The following TTN variants were observed in gnomAD, a reference collection of about 807,000 sequenced individuals.
TTN encodes the protein connectin.
In TTN, 1,525 loss-of-function variants were observed where a neutral mutation model predicts 3,223.0. The ratio of observed to expected loss-of-function variants is 0.47; its 90% CI spans 0.45 to 0.49. The LOEUF (loss-of-function observed/expected upper bound fraction) is 0.49, where lower values mean the gene tolerates loss of function less well. Ranked by LOEUF, TTN falls within the 20% of genes least tolerant of loss-of-function variation. TTN has a pLI of 0.00. For missense variants in TTN, 40,786 were observed against 43,424.0 expected, an observed-to-expected ratio of 0.94 and a Z score of 5.40; for synonymous variants, 14,094 against 15,161.0, an observed-to-expected ratio of 0.93 and a Z score of 5.17.
In TTN at chr2:178,552,044, C is replaced by A; in HGVS notation, c.90856G>T (p.Val30286Phe). Residue 30286 changes from valine to phenylalanine, a missense_variant, in exon 335 of 363, where the codon GTT becomes TTT. By Grantham distance (50) the Val-to-Phe change is conservative (BLOSUM62 -1). Transcript: ENST00000589042. Reference sequence around the variant, plus strand: ...TCAGCATCTTTGACTAGATTAGGAACTTTGAAAGTCGTTCTGGCAACACTT... The same window carrying A: ...TCAGCATCTTTGACTAGATTAGGAAATTTGAAAGTCGTTCTGGCAACACTT... ...CSSVARTTFK[V>F]PNLVKDAEYQ... 6.2e-7 allele frequency: 1 copy of A among 1,613,676 alleles called. No individual in the cohort carries two copies. The highest frequency in any genetic ancestry group is 8.5e-7 in the Non-Finnish European group (1 of 1,179,732).
intron 47 of TTN, chr2:178,745,555 A>G: frequency 1.9e-6 from 3 of 1,610,842 alleles, no homozygotes; most frequent in South Asian, 1.1e-5. Context: ...ATCAATGCTA[A>G]TAATTACTGA....
At chr2:178,635,400 C>T (rs371598186) in intron 227 of TTN, 40 bp downstream of exon 227, 107 of 1,603,910 alleles carry the variant, frequency 6.7e-5, no homozygotes, top group African/African-American at 2.6e-4. Context: ...TTTACACATA[C>T]GCAAAACTTA....
At chr2:178,698,004 TG>T (rs1335687640) in intron 112 of TTN, among the ~76,000 whole-genome samples, 2 of 152,166 alleles carry the variant, frequency 1.3e-5, no homozygotes, top group African/African-American at 4.8e-5. Flanking sequence ...TGTCCATCAA[TG>T]GATGAATACA....
chr2:178,678,894 G>C, intron 142 of TTN, 64 bp from the exon 143 acceptor site: 1 of 1,299,264 alleles, frequency 7.7e-7, no homozygotes, highest in Non-Finnish European at 1.1e-6. Context: ...TTTAAGGCTG[G>C]CAATGTAAGG....
rs201567815 is a variant in TTN at position 178,577,634 on chromosome 2, C to T, written c.68792G>A (p.Ser22931Asn). 3.7e-4 allele frequency: 590 copies of T among 1,611,744 alleles called. 1 individual carries two copies. The highest frequency in any genetic ancestry group is 1.7e-3 in the East Asian group (75 of 44,688). Reference protein sequence around the residue: ...TAGAISAPSESTETIICKDEY... With the variant: ...TAGAISAPSENTETIICKDEY... ...ATCCTTGCAAATAATGGTTTCTGTA[C>T]TTTCTGATGGAGCACTGATAGCACC... is the stretch of plus-strand genomic sequence containing the variant. The change falls in exon 323 of 363, where the codon AGT (serine) becomes AAT (asparagine). Residue 22931 changes from serine to asparagine, a missense_variant. Ser to Asn is a conservative substitution (Grantham distance 46). Coordinates refer to ENST00000589042, the MANE Select transcript of TTN (RefSeq NM_001267550.2).
At position 178,607,100 on chromosome 2, in the gene TTN, C is replaced by T. The variant is rs1379910551; in HGVS notation, c.53502G>A (p.Lys17834=). 1 of 1,612,510 alleles carries T rather than the reference C, an allele frequency of 6.2e-7. No individual in the cohort carries two copies. The highest frequency in any genetic ancestry group is 2.2e-5 in the East Asian group (1 of 44,730). ...ITGLLEGQEY[K]FRVIAKNKFG... ...ACTTGTTCTTGGCAATAACACGGAACTTATATTCTTGTCCCTCAAGCAGAC... is the reference window on the plus strand; with the variant it reads ...ACTTGTTCTTGGCAATAACACGGAATTTATATTCTTGTCCCTCAAGCAGAC... Residue 17834 remains lysine, a synonymous_variant, in exon 278 of 363, where the codon AAG becomes AAA. Transcript: ENST00000589042.
In TTN at chr2:178,634,333, A is replaced by G; in HGVS notation, c.42415+33T>C. ...TAAAGTCATATATTTGCATGCCTTT[A>G]TGGGATGTCACAGATCTCATTAGCT... On this transcript the variant is annotated intron_variant, in intron 230 of 362. Coordinates refer to ENST00000589042, the MANE Select transcript of TTN (RefSeq NM_001267550.2). This position sits in a 1 kb window ranked among gnomAD's most constrained non-coding sequence, Gnocchi z 4.6. 1 of 1,581,650 alleles carries G rather than the reference A, an allele frequency of 6.3e-7. No individual in the cohort carries two copies. Among genetic ancestry groups the G allele is most frequent in the Non-Finnish European group, 8.5e-7 (1 of 1,172,182 alleles).
chr2:178,560,880 T>C lies in TTN; in HGVS notation c.85252A>G (p.Lys28418Glu). The change falls in exon 326 of 363, where the codon AAA becomes GAA. Residue 28418 changes from lysine to glutamate, a missense_variant. Physicochemically the swap from Lys to Glu is moderately conservative, Grantham distance 56. Transcript: ENST00000589042. Reference protein sequence around the residue: ...STDNHTLLTVKDCIRRDTGQY... With the variant: ...STDNHTLLTVEDCIRRDTGQY... ...CCAGTGTCTCGTCTTATACAGTCTT[T>C]AACTGTTAACAAAGTATGATTGTCT... 6.2e-7 allele frequency: 1 copy of C among 1,613,742 alleles called. No homozygotes were observed. The highest frequency in any genetic ancestry group is 8.5e-7 in the Non-Finnish European group (1 of 1,179,804).
chr2:178,620,659 T>C (rs1376756811), intron 247 of TTN, 34 bp from the exon 248 acceptor site: 1 of 1,601,064 alleles, frequency 6.2e-7, no homozygotes. Flanking sequence ...TTGATTTTAA[T>C]TATTTTTATA....
chr2:178,599,801 G>C lies in TTN; in HGVS notation c.56100C>G (p.Thr18700=). Residue 18700 remains threonine (T), a synonymous_variant, in exon 289 of 363, where the codon ACC becomes ACG. Coordinates refer to ENST00000589042, the MANE Select transcript of TTN (RefSeq NM_001267550.2). The part of the protein sequence containing the change: ...LKEFMEVEEG[T]NVNIVAKIKG... ...TAATTTTGGCCACAATGTTAACATT[G>C]GTTCCTTCTTCAACCTCCATGAATT... 6.2e-7 allele frequency: 1 copy of C among 1,605,286 alleles called. No individual in the cohort carries two copies. The highest frequency in any genetic ancestry group is 2.2e-5 in the East Asian group (1 of 44,446).
At position 178,781,340 on chromosome 2, in the gene TTN, G is replaced by C. The variant is rs1312379486; in HGVS notation, c.3381-77C>G. 3 of 1,517,970 alleles carry C rather than the reference G, an allele frequency of 2.0e-6. No homozygotes were observed. The Admixed American group carries it at 5.3e-5, about 27-fold the overall frequency. The allele number at this position is 1,517,970 out of a possible 1,614,324, so 94.0% of individuals were successfully genotyped here. ...GGGTAAAATAATTGGACTTATCTGT[G>C]AGTGGATCTGTGGTATAAAATTCAA... On this transcript the variant is annotated intron_variant, in intron 20 of 362. Transcript: ENST00000589042.
rs760193032 is a variant in TTN at position 178,633,309 on chromosome 2, C to G, written c.42964G>C (p.Glu14322Gln). 1 of 1,612,836 alleles carries G rather than the reference C, an allele frequency of 6.2e-7. No homozygotes were observed. Residue 14322 changes from glutamate to glutamine, a missense_variant, in exon 233 of 363, where the codon GAA (glutamate) becomes CAA (glutamine). Coordinates refer to ENST00000589042, the MANE Select transcript of TTN (RefSeq NM_001267550.2). The part of the protein sequence containing the change: ...VTVEARLIKV[E>Q]KPLYGVEVFV... ...ACCTCTACTCCGTACAGAGGCTTTT[C>G]CACTTTTATTAGTCGAGCTGAAATG...
At position 178,739,546 on chromosome 2, in the gene TTN, CA is replaced by C. The variant is rs764755102; in HGVS notation, c.13686del (p.Asp4563ThrfsTer8). 1 of 1,613,804 alleles carries C rather than the reference CA, an allele frequency of 6.2e-7. No homozygotes were observed. The highest frequency in any genetic ancestry group is 2.2e-5 in the East Asian group (1 of 44,830). On this transcript the variant is annotated frameshift_variant, in exon 48 of 363. Coordinates refer to ENST00000589042, the MANE Select transcript of TTN (RefSeq NM_001267550.2). LOFTEE classifies it high-confidence loss of function. The stretch of plus-strand genomic sequence containing the variant: ...TTCAGACTCTCATCTTGTTTTTCGT[CA>C]GAGACAACAGCTGAAGCAACCCCTT... ...VTKGVASAVV[S>X]DEKQDESLKP...
At position 178,652,327 on chromosome 2, in the gene TTN, C is replaced by T. The variant is rs552922153; in HGVS notation, c.39148G>A (p.Val13050Ile). ...PVKVPEAPKE[V>I]VPEKKVPVPP... ...ACTGGCACTTTCTTTTCAGGAACAA[C>T]TTCTTTGGGAGCCTCAGGCACTTGA... Residue 13050 changes from valine (V) to isoleucine (I), a missense_variant, in exon 203 of 363, where the codon GTT (valine) becomes ATT (isoleucine). Physicochemically the swap from Val to Ile is conservative, Grantham distance 29. Coordinates refer to ENST00000589042, the MANE Select transcript of TTN (RefSeq NM_001267550.2). 1 of 1,613,736 alleles carries T rather than the reference C, an allele frequency of 6.2e-7. No homozygotes were observed. The highest frequency in any genetic ancestry group is 1.3e-5 in the African/African-American group (1 of 75,044).
Position 178,566,966 on chromosome 2 carries a change from G to A in TTN, c.79166C>T (p.Pro26389Leu), listed in dbSNP as rs760307077. ...LMKNPFVLPGPPKSLEVTNIA... is the reference protein window; with the variant it reads ...LMKNPFVLPGLPKSLEVTNIA... ...ATTTGTGACTTCCAAGCTTTTTGGT[G>A]GTCCAGGAAGCACAAATGGATTTTT... The change falls in exon 326 of 363, where the codon CCA (proline) becomes CTA (leucine). Residue 26389 changes from proline to leucine, a missense_variant. Coordinates refer to ENST00000589042, the MANE Select transcript of TTN (RefSeq NM_001267550.2). The A allele has an allele frequency of 1.2e-6, 2 of 1,613,532 alleles. No individual in the cohort carries two copies. The highest frequency in any genetic ancestry group is 2.2e-5 in the South Asian group (2 of 91,068).
At position 178,725,461 on chromosome 2, in the gene TTN, C is replaced by A. The variant is rs201728165; in HGVS notation, c.20743G>T (p.Ala6915Ser). The A allele has an allele frequency of 6.2e-5, 100 of 1,612,938 alleles. No individual in the cohort carries two copies. In the African/African-American group the frequency reaches 1.2e-3, roughly 20 times the overall value. Residue 6915 changes from alanine to serine, a missense_variant, in exon 71 of 363, where the codon GCA becomes TCA. Physicochemically the swap from Ala to Ser is moderately conservative, Grantham distance 99 (BLOSUM62 1). Coordinates refer to ENST00000589042, the MANE Select transcript of TTN (RefSeq NM_001267550.2). ...FVENVATLQFAKAEPANAGKY... is the reference protein window; with the variant it reads ...FVENVATLQFSKAEPANAGKY... ...CCAGCATTAGCTGGCTCTGCTTTTG[C>A]AAACTGTAGAGTTGCAACATTTTCC...
rs368162634 is a variant in TTN at position 178,709,815 on chromosome 2, T to C, written c.28504A>G (p.Thr9502Ala). ...GAATTCCCTTCTGTTTCTTCTACTGTCTCTGAGAGTCTTTTAGTGAAACTT... is the reference window on the plus strand; with the variant it reads ...GAATTCCCTTCTGTTTCTTCTACTGCCTCTGAGAGTCTTTTAGTGAAACTT... ...PPSFTKRLSE[T>A]VEETEGNSFK... The change falls in exon 99 of 363, where the codon ACA becomes GCA. Residue 9502 changes from threonine to alanine, a missense_variant. Transcript: ENST00000589042. 5 of 1,613,110 alleles carry C rather than the reference T, an allele frequency of 3.1e-6. No homozygotes were observed. Among genetic ancestry groups the C allele is most frequent in the Non-Finnish European group, 4.2e-6 (5 of 1,179,630 alleles).
chr2:178,800,048 T>C, intron 4 of TTN, 138 bp from the exon 5 acceptor site: 1 of 933,354 alleles, frequency 1.1e-6, no homozygotes, highest in Non-Finnish European at 1.6e-6. Flanking sequence ...TTTTGGATTT[T>C]GCATGAATAT....
intron 133 of TTN, 119 bp from the exon 134 acceptor site, chr2:178,683,410 T>A (rs1226140741): frequency 1.7e-6 from 1 of 590,618 alleles, no homozygotes; most frequent in African/African-American, 1.9e-5. Flanking sequence ...GATTAAACTT[T>A]CATTTAAAAA....
Sources: gnomAD v4.1 joint callset for allele counts (sites outside exome capture counted in the v4.1 genomes callset) on GRCh38, gnomAD v4.1.1 for gene constraint, Gnocchi (gnomAD v3.1) non-coding constraint, MANE v1.5 for transcripts, NCBI Gene and HGNC (gene_info 2026-07-23, HGNC 2026-07-21) for gene names.